Variants in CACNA1A observed in about 807,000 individuals in gnomAD.
CACNA1A encodes voltage-dependent P/Q-type calcium channel subunit alpha-1A.
CACNA1A carries 57 observed loss-of-function variants against 262.4 expected under a neutral mutation model. That is an observed-to-expected ratio of 0.22 (90% CI 0.18 to 0.27). CACNA1A has a LOEUF of 0.27. Ranked by LOEUF, CACNA1A falls within the 10% of genes least tolerant of loss-of-function variation. The probability of loss-of-function intolerance (pLI) is 1.00; values close to 1 mark genes in which losing one functional copy is unlikely to be tolerated. For synonymous variants in CACNA1A, 1,431 were observed against 1,419.3 expected (o/e 1.01, Z -0.18); for missense variants, 2,526 against 3,562.8 (o/e 0.71, Z 7.41).
intron 26 of CACNA1A, 160 bp from the exon 27 acceptor site, chr19:13,259,861 G>T: frequency 1.5e-6 from 1 of 681,044 alleles, no homozygotes; most frequent in Non-Finnish European, 2.5e-6. Context: ...GTGTTCCTGT[G>T]CTTCATAGGG....
intron 7 of CACNA1A, 100 bp from the exon 8 acceptor site, chr19:13,334,593 TTGTGTG>T (rs138143360): frequency 2.6e-4 from 130 of 506,098 alleles, no homozygotes; most frequent in South Asian, 4.9e-4. Context: ...GTGTGTGTGT[TTGTGTG>T]TGTGTGTGTG....
intron 24 of CACNA1A, among the ~76,000 whole-genome samples, chr19:13,270,667 T>A (rs2144809038): frequency 6.6e-6 from 1 of 152,256 alleles, no homozygotes; most frequent in African/African-American, 2.4e-5. Flanking sequence ...AATGGCTTGA[T>A]CAAGGCACCT....
chr19:13,338,929 G>C (rs2058625582), intron 6 of CACNA1A, among the ~76,000 whole-genome samples: 2 of 152,076 alleles, frequency 1.3e-5, no homozygotes, highest in Non-Finnish European at 1.5e-5. Flanking sequence ...GCAGTGGCAT[G>C]ATCTCAGCTC....
At position 13,207,807 on chromosome 19, in the gene CACNA1A, C is replaced by A; in HGVS notation, c.7027G>T (p.Gly2343Cys). 1.4e-6 allele frequency: 2 copies of A among 1,446,430 alleles called. No homozygotes were observed. Among genetic ancestry groups the A allele is most frequent in the Non-Finnish European group, 1.8e-6 (2 of 1,107,188 alleles). The allele number at this position is 1,446,430 out of a possible 1,614,324, so 89.6% of individuals were successfully genotyped here. Residue 2343 changes from glycine to cysteine, a missense_variant, in exon 47 of 47, where the codon GGC (glycine) becomes TGC (cysteine). By Grantham distance (159) the Gly-to-Cys change is radical (BLOSUM62 -3). Coordinates refer to ENST00000360228, the MANE Select transcript of CACNA1A (RefSeq NM_001127222.2). The surrounding 1 kb of genome is among the most constrained non-coding windows in gnomAD (Gnocchi z 5.7). ...CCGGCCAGAGGCTCGGCCGTGGGGCCTGGGTACCTCCGAGGGCCGCTGGTG... is the reference window on the plus strand; with the variant it reads ...CCGGCCAGAGGCTCGGCCGTGGGGCATGGGTACCTCCGAGGGCCGCTGGTG... ...AATSGPRRYPGPTAEPLAGDR... is the reference protein window; with the variant it reads ...AATSGPRRYPCPTAEPLAGDR...
At chr19:13,324,336 T>C (rs79187664) in intron 10 of CACNA1A, among the ~76,000 whole-genome samples, 60 of 149,134 alleles carry the variant, frequency 4.0e-4, no homozygotes, top group Middle Eastern at 3.5e-3. Flanking sequence ...TGCATTGCAT[T>C]GCATCGCATT....
chr19:13,350,717 T>A (rs1600398560), intron 6 of CACNA1A, among the ~76,000 whole-genome samples: 1 of 150,834 alleles, frequency 6.6e-6, no homozygotes, highest in East Asian at 2.0e-4. Flanking sequence ...TAAAAAAAAA[T>A]TCTGGGCTGG....
intron 3 of CACNA1A, among the ~76,000 whole-genome samples, chr19:13,441,667 G>GAAA (rs758379687): frequency 2.2e-4 from 25 of 113,878 alleles, no homozygotes; most frequent in East Asian, 1.0e-3. Flanking sequence ...CTGTCTCGAG[G>GAAA]AAAAAAAAAA....
At chr19:13,464,767 C>G (rs1255528357) in intron 1 of CACNA1A, among the ~76,000 whole-genome samples, 4 of 151,832 alleles carry the variant, frequency 2.6e-5, no homozygotes, top group African/African-American at 7.3e-5. Flanking sequence ...CCAGGGTGGT[C>G]TCGATCTCCT....
intron 1 of CACNA1A, among the ~76,000 whole-genome samples, chr19:13,505,610 C>G (rs980420643): frequency 1.3e-5 from 2 of 152,146 alleles, no homozygotes; most frequent in Non-Finnish European, 1.5e-5. Context: ...CCGGACTTGG[C>G]TCGAAAGCCC....
At chr19:13,267,429 C>T (rs1473555585) in intron 24 of CACNA1A, among the ~76,000 whole-genome samples, 1 of 152,140 alleles carries the variant, frequency 6.6e-6, no homozygotes, top group Admixed American at 6.5e-5. Flanking sequence ...CCCAAGAAAG[C>T]ACTAAGAAAG....
At chr19:13,222,699 CTT>C (rs536350776) in intron 38 of CACNA1A, among the ~76,000 whole-genome samples, 23 of 142,876 alleles carry the variant, frequency 1.6e-4, no homozygotes, top group Admixed American at 7.0e-5. Flanking sequence ...CCGGCCTCAG[CTT>C]TTTTTTTTTT....
chr19:13,413,770 A>C (rs2060162207), intron 3 of CACNA1A, among the ~76,000 whole-genome samples: 1 of 150,318 alleles, frequency 6.7e-6, no homozygotes, highest in Non-Finnish European at 1.5e-5. Context: ...AATCTCAGCT[A>C]CTCGGGAGGC....
At chr19:13,325,190 C>A (rs1274084712) in intron 10 of CACNA1A, among the ~76,000 whole-genome samples, 1 of 126,118 alleles carries the variant, frequency 7.9e-6, no homozygotes, top group South Asian at 3.2e-4. Flanking sequence ...TCTTCTTCTT[C>A]TTCTTCTTTT....
intron 15 of CACNA1A, chr19:13,307,462 G>T: frequency 4.1e-6 from 1 of 241,780 alleles, no homozygotes; most frequent in Non-Finnish European, 8.0e-6. Flanking sequence ...TCGAATTCCT[G>T]ATCTCAAGTG....
At chr19:13,344,818 G>C (rs2058735799) in intron 6 of CACNA1A, among the ~76,000 whole-genome samples, 2 of 151,992 alleles carry the variant, frequency 1.3e-5, no homozygotes, top group South Asian at 4.2e-4. Flanking sequence ...GTGATGGCAC[G>C]ATCTAGGCTC....
chr19:13,455,087 T>G lies in CACNA1A; in HGVS notation c.399+20A>C. On this transcript the variant is annotated intron_variant, in intron 2 of 46. Transcript: ENST00000360228. ...CCTGCTAAAGCCAAGGAGAAGACCCTGAGAAAAGACATCACTCACCAGCCG... is the reference window on the plus strand; with the variant it reads ...CCTGCTAAAGCCAAGGAGAAGACCCGGAGAAAAGACATCACTCACCAGCCG... 3 of 1,487,904 alleles carry G rather than the reference T, an allele frequency of 2.0e-6. No homozygotes were observed. Among genetic ancestry groups the G allele is most frequent in the Non-Finnish European group, 2.8e-6 (3 of 1,066,180 alleles). 92.2% of individuals were successfully genotyped at this position (1,487,904 alleles called of 1,614,324 possible). A position where few individuals can be genotyped will look rare whatever the true frequency, so the allele number is the denominator to read the frequency against.
chr19:13,240,115 C>T (rs2056021440), intron 31 of CACNA1A, among the ~76,000 whole-genome samples: 2 of 147,464 alleles, frequency 1.4e-5, no homozygotes, highest in South Asian at 4.3e-4. Flanking sequence ...TGTGCCACTG[C>T]ACGCCAGCCT....
intron 3 of CACNA1A, among the ~76,000 whole-genome samples, chr19:13,429,167 TACACACACACACACACACACACACACAC>T (rs56218610): frequency 7.1e-6 from 1 of 141,152 alleles, no homozygotes; most frequent in South Asian, 2.4e-4. Context: ...TCACTGTGCG[TACACACACACACACACACACACACACAC>T]ACACACACAC....
At position 13,212,330 on chromosome 19, in the gene CACNA1A, C is replaced by T; in HGVS notation, c.6189+54G>A. The T allele has an allele frequency of 6.2e-7, 1 of 1,606,962 alleles. No individual in the cohort carries two copies. The highest frequency in any genetic ancestry group is 1.1e-5 in the South Asian group (1 of 90,392). ...GTGTGTGGGGGGCCCAGATCCCTTC[C>T]ACCTGAACCACCCGGGCCCTGGGAG... On this transcript the variant is annotated intron_variant, in intron 42 of 46. Transcript: ENST00000360228. The surrounding 1 kb of genome is among the most constrained non-coding windows in gnomAD (Gnocchi z 5.6).
Sources: gnomAD v4.1 joint callset for allele counts (sites outside exome capture counted in the v4.1 genomes callset) on GRCh38, gnomAD v4.1.1 for gene constraint, Gnocchi (gnomAD v3.1) non-coding constraint, MANE v1.5 for transcripts, NCBI Gene and HGNC (gene_info 2026-07-23, HGNC 2026-07-21) for gene names.